Variants in SLC25A35 observed in about 807,000 individuals in gnomAD.
SLC25A35 encodes solute carrier family 25 member 35, also known as solute carrier family 25, member 35.
Under a neutral mutation model 30.5 loss-of-function variants are expected in SLC25A35, and 32 were observed. That is an observed-to-expected ratio of 1.05 (90% confidence interval 0.79 to 1.41). SLC25A35 has a LOEUF of 1.41. SLC25A35 is among the 40% of genes most tolerant of loss of function. The pLI is 0.00. For synonymous variants in SLC25A35, 142 were observed against 158.1 expected (o/e 0.90, Z 0.77); for missense variants, 369 against 388.0 (o/e 0.95, Z 0.41).
chr17:8,291,422 C>T lies in SLC25A35; in HGVS notation c.505G>A (p.Ala169Thr). ...KHGLVGLWRG[A>T]LGGLPRVIVG... ...ATAACTCGGGGCAGGCCGCCCAGAG[C>T]CCCACGCCATAACCCCACCAGACCA... The change falls in exon 3 of 5, where the codon GCT (alanine) becomes ACT (threonine). Residue 169 changes from alanine (A) to threonine (T), a missense_variant. Ala to Thr is a moderately conservative substitution (Grantham distance 58). Coordinates refer to ENST00000577745, the MANE Select transcript of SLC25A35 (RefSeq NM_001320870.2). The T allele has an allele frequency of 6.2e-7, 1 of 1,614,194 alleles. No homozygotes were observed. The highest frequency in any genetic ancestry group is 8.5e-7 in the Non-Finnish European group (1 of 1,180,030).
At position 8,294,988 on chromosome 17, in the gene SLC25A35, A is replaced by C. The variant is rs1388159168; in HGVS notation, c.-181T>G. On this transcript the variant is annotated 5_prime_UTR_variant, in exon 1 of 5. Transcript: ENST00000577745. The stretch of plus-strand genomic sequence containing the variant: ...GTCAAGTGGTCAAACGTCAGCTGGA[A>C]TTTGGGAGTCAAGAGCTGGCAAGCA... 5.0e-6 allele frequency: 7 copies of C among 1,401,914 alleles called. No homozygotes were observed. The highest frequency in any genetic ancestry group is 3.7e-6 in the Non-Finnish European group (4 of 1,083,014). The allele number at this position is 1,401,914 out of a possible 1,614,324, so 86.8% of individuals were successfully genotyped here.
downstream of SLC25A35, chr17:8,289,800 C>T (rs1443058243): frequency 1.9e-6 from 3 of 1,613,674 alleles, no homozygotes; most frequent in South Asian, 2.2e-5. Flanking sequence ...TCCATCTGTT[C>T]CCCCACCCCA....
At position 8,295,346 on chromosome 17, in the gene SLC25A35, A is replaced by C; in HGVS notation, c.-539T>G. On this transcript the variant is annotated 5_prime_UTR_variant, in exon 1 of 5. Transcript: ENST00000577745. ...TCCCCAGGCAGCCACCGGAGCTCGC[A>C]GTAGCTTCAACCCCGGGTAGCCTGC... The C allele has an allele frequency of 1.0e-6, 1 of 985,758 alleles. No individual in the cohort carries two copies. Among genetic ancestry groups the C allele is most frequent in the Non-Finnish European group, 1.2e-6 (1 of 830,230 alleles). 61.1% of individuals were successfully genotyped at this position (985,758 alleles called of 1,614,324 possible). A position where few individuals can be genotyped will look rare whatever the true frequency, so the allele number is the denominator to read the frequency against.
Position 8,290,080 on chromosome 17 carries a change from A to G in SLC25A35, c.*425T>C. Reference sequence around the variant, plus strand: ...TCCCTCTTCAGAATAAACTTGCTTTATAATCAATATAATCTCTGTGCCTTT... The same window carrying G: ...TCCCTCTTCAGAATAAACTTGCTTTGTAATCAATATAATCTCTGTGCCTTT... On this transcript the variant is annotated 3_prime_UTR_variant, in exon 5 of 5. Transcript: ENST00000577745. 8 of 1,532,260 alleles carry G rather than the reference A, an allele frequency of 5.2e-6. No individual in the cohort carries two copies. The highest frequency in any genetic ancestry group is 6.1e-6 in the Non-Finnish European group (7 of 1,139,890). The allele number at this position is 1,532,260 out of a possible 1,614,324, so 94.9% of individuals were successfully genotyped here.
intron 3 of SLC25A35, 144 bp from the exon 4 acceptor site, chr17:8,291,120 A>G (rs1990462816): frequency 1.5e-6 from 2 of 1,326,076 alleles, no homozygotes; most frequent in Non-Finnish European, 2.1e-6. Context: ...AACAGTGAGA[A>G]GGAGGAAGGC....
At chr17:8,294,391 A>C in intron 1 of SLC25A35, 42 bp downstream of exon 1, 1 of 1,514,310 alleles carries the variant, frequency 6.6e-7, no homozygotes, top group Non-Finnish European at 8.8e-7. Flanking sequence ...TCCTACAACG[A>C]GGATCTGCCC....
At chr17:8,288,670 G>T, downstream of SLC25A35, 1 of 1,165,328 alleles carries the variant, frequency 8.6e-7, no homozygotes, top group Non-Finnish European at 1.3e-6. Context: ...TAAAGGATCC[G>T]GGAGCTAAGC....
rs1990777069 is a variant in SLC25A35, at chr17:8,295,177, G to A, written c.-370C>T. 3 of 1,023,654 alleles carry A rather than the reference G, an allele frequency of 2.9e-6. No homozygotes were observed. The highest frequency in any genetic ancestry group is 3.5e-6 in the Non-Finnish European group (3 of 855,028). 63.4% of individuals were successfully genotyped at this position (1,023,654 alleles called of 1,614,324 possible). A position where few individuals can be genotyped will look rare whatever the true frequency, so the allele number is the denominator to read the frequency against. ...GGAATCGCGGGGTTGGGAGATGGAA[G>A]CCAGGGAGGCAGGAAGAAGAAAGCC... On this transcript the variant is annotated 5_prime_UTR_variant, in exon 1 of 5. Coordinates refer to ENST00000577745, the MANE Select transcript of SLC25A35 (RefSeq NM_001320870.2).
rs753942197 is a variant in SLC25A35, at chr17:8,292,596, CAA to C, written c.376-10_376-9del. Reference sequence around the variant, plus strand: ...CTGCAGGTGTGTCTTCACCTGGGAACAAGAGAATATCATAGCCTGTGCCCCAG... The same window carrying C: ...CTGCAGGTGTGTCTTCACCTGGGAACGAGAATATCATAGCCTGTGCCCCAG... On this transcript the variant is annotated splice_polypyrimidine_tract_variant and intron_variant, in intron 1 of 4. Transcript: ENST00000577745. The C allele has an allele frequency of 1.1e-5, 18 of 1,613,862 alleles. No individual in the cohort carries two copies. The highest frequency in any genetic ancestry group is 1.6e-4 in the Middle Eastern group (1 of 6,084).
Position 8,292,647 on chromosome 17 carries a change from C to T in SLC25A35, c.376-59G>A, listed in dbSNP as rs1990593898. On this transcript the variant is annotated intron_variant, in intron 1 of 4. Transcript: ENST00000577745. ...AGTGGCCATCCTCCTACCTGAGAAC[C>T]AAATGTCTCACCCCCTCACACTTCC... The T allele has an allele frequency of 3.4e-6, 5 of 1,468,580 alleles. No individual in the cohort carries two copies. In the Admixed American group the frequency reaches 8.4e-5, roughly 25 times the overall value. The allele number at this position is 1,468,580 out of a possible 1,614,324, so 91.0% of individuals were successfully genotyped here. A position where few individuals can be genotyped will look rare whatever the true frequency, so the allele number is the denominator to read the frequency against.
intron 2 of SLC25A35, among the ~76,000 whole-genome samples, chr17:8,291,706 T>A (rs1379293706): frequency 6.6e-6 from 1 of 152,172 alleles, no homozygotes; most frequent in Admixed American, 6.5e-5. Context: ...GTGAGGCCAT[T>A]CACTGGTCAG....
Position 8,291,317 on chromosome 17 carries a change from A to T in SLC25A35, c.594+16T>A. Reference sequence around the variant, plus strand: ...CCCCCTTCCCGAAACAGACCCACCCATTTCCCAGGCAGTACCTCCCACTGG... The same window carrying T: ...CCCCCTTCCCGAAACAGACCCACCCTTTTCCCAGGCAGTACCTCCCACTGG... On this transcript the variant is annotated intron_variant, in intron 3 of 4. Coordinates refer to ENST00000577745, the MANE Select transcript of SLC25A35 (RefSeq NM_001320870.2). 1 of 1,612,950 alleles carries T rather than the reference A, an allele frequency of 6.2e-7. No individual in the cohort carries two copies.
intron 2 of SLC25A35, 120 bp downstream of exon 2, chr17:8,292,403 G>T: frequency 1.0e-6 from 1 of 987,888 alleles, no homozygotes; most frequent in Non-Finnish European, 1.6e-6. Context: ...GGGCAAAATG[G>T]GACAGAACCG....
Position 8,290,825 on chromosome 17 carries a change from C to A in SLC25A35, c.729+17G>T, listed in dbSNP as rs977478835. 4 of 1,611,862 alleles carry A rather than the reference C, an allele frequency of 2.5e-6. No homozygotes were observed. The highest frequency in any genetic ancestry group is 3.4e-6 in the Non-Finnish European group (4 of 1,178,336). ...CCATCCCCTGCTTCCCGCCTGCATCCCAGAGCACTTCCTTACCTTGCCCTG... is the reference window on the plus strand; with the variant it reads ...CCATCCCCTGCTTCCCGCCTGCATCACAGAGCACTTCCTTACCTTGCCCTG... On this transcript the variant is annotated intron_variant, in intron 4 of 4. Coordinates refer to ENST00000577745, the MANE Select transcript of SLC25A35 (RefSeq NM_001320870.2).
At chr17:8,288,634 C>T, downstream of SLC25A35, 2 of 873,604 alleles carry the variant, frequency 2.3e-6, no homozygotes, top group Non-Finnish European at 3.7e-6. Context: ...GATTGGCCAA[C>T]GAGAGCGCAG....
chr17:8,292,632 C>T (rs1990593072), intron 1 of SLC25A35, 44 bp from the exon 2 acceptor site: 5 of 1,586,634 alleles, frequency 3.2e-6, no homozygotes, highest in African/African-American at 2.7e-5. Flanking sequence ...AGTGGCCATC[C>T]TCCTACCTGA....
rs769262572 is a variant in SLC25A35 at position 8,290,698 on chromosome 17, G to A, written c.730-20C>T. The A allele has an allele frequency of 6.3e-7, 1 of 1,599,070 alleles. No homozygotes were observed. The highest frequency in any genetic ancestry group is 8.5e-7 in the Non-Finnish European group (1 of 1,177,498). On this transcript the variant is annotated intron_variant, in intron 4 of 4. Coordinates refer to ENST00000577745, the MANE Select transcript of SLC25A35 (RefSeq NM_001320870.2). ...GAGGCCCTGAGAGTGTGTCAGAGAGGGAGGGAGAGCACAGAGAAGGAGTTT... is the reference window on the plus strand; with the variant it reads ...GAGGCCCTGAGAGTGTGTCAGAGAGAGAGGGAGAGCACAGAGAAGGAGTTT...
chr17:8,294,106 G>A (rs764078207), intron 1 of SLC25A35, among the ~76,000 whole-genome samples: 13 of 150,690 alleles, frequency 8.6e-5, no homozygotes, highest in Non-Finnish European at 1.9e-4. Flanking sequence ...TAGTAGAGAC[G>A]GGGTTTCACT....
chr17:8,294,618 T>C lies in SLC25A35; in HGVS notation c.190A>G (p.Lys64Glu), dbSNP rs776360886. The change falls in exon 1 of 5, where the codon AAA (lysine) becomes GAA (glutamate). Residue 64 changes from lysine to glutamate, a missense_variant. Physicochemically the swap from Lys to Glu is moderately conservative, Grantham distance 56 (BLOSUM62 1). Transcript: ENST00000577745. The part of the protein sequence containing the change: ...GKVDGLAALQ[K>E]GLAPALLYQF... The stretch of plus-strand genomic sequence containing the variant: ...TACAAGAGGGCGGGGGCCAGGCCTT[T>C]CTGCAGGGCAGCAAGGCCATCCACC... 6.2e-7 allele frequency: 1 copy of C among 1,614,166 alleles called. No homozygotes were observed. The highest frequency in any genetic ancestry group is 1.3e-5 in the African/African-American group (1 of 75,054).
Sources: gnomAD v4.1 joint callset for allele counts (sites outside exome capture counted in the v4.1 genomes callset) on GRCh38, gnomAD v4.1.1 for gene constraint, MANE v1.5 for transcripts, NCBI Gene and HGNC (gene_info 2026-07-23, HGNC 2026-07-21) for gene names.